The following APOBEC3D variants were observed in gnomAD, a reference collection of about 807,000 sequenced individuals.
The protein encoded by APOBEC3D is DNA dC->dU-editing enzyme APOBEC-3D.
APOBEC3D carries 37 observed loss-of-function variants against 45.6 expected under a neutral mutation model. The ratio of observed to expected loss-of-function variants is 0.81; its 90% CI spans 0.62 to 1.07. APOBEC3D has a LOEUF of 1.07. APOBEC3D is among the 50% of genes least tolerant of loss of function. The pLI is 0.00. For missense variants in APOBEC3D, 496 were observed against 495.3 expected, an observed-to-expected ratio of 1.00 and a Z score of -0.01; for synonymous variants, 175 against 180.7, an observed-to-expected ratio of 0.97 and a Z score of 0.25.
intron 5 of APOBEC3D, 122 bp downstream of exon 5, chr22:39,029,641 CTT>C (rs11440048): frequency 4.9e-3 from 4,622 of 941,798 alleles, no homozygotes; most frequent in South Asian, 9.3e-3. Flanking sequence ...ACATTTCTTT[CTT>C]TTTTTTTTTT....
At chr22:39,022,220 C>A (rs755959461) in intron 1 of APOBEC3D, among the ~76,000 whole-genome samples, 19 of 152,258 alleles carry the variant, frequency 1.2e-4, no homozygotes, top group Non-Finnish European at 1.9e-4. Context: ...GCAGAGGCTG[C>A]ACAGGGCTGG....
chr22:39,029,655 T>TTA, intron 5 of APOBEC3D, 136 bp downstream of exon 5: 1 of 1,087,670 alleles, frequency 9.2e-7, no homozygotes, highest in Non-Finnish European at 1.3e-6. Flanking sequence ...TTTTTTTTTT[T>TTA]AAGACAGAGT....
intron 1 of APOBEC3D, among the ~76,000 whole-genome samples, chr22:39,022,105 A>G (rs537943636): frequency 2.0e-5 from 3 of 152,208 alleles, no homozygotes; most frequent in Non-Finnish European, 2.9e-5. Context: ...GACCAGTAAC[A>G]TGGAATGTGA....
intron 5 of APOBEC3D, 125 bp downstream of exon 5, chr22:39,029,644 T>C: frequency 8.5e-7 from 1 of 1,173,468 alleles, no homozygotes. Flanking sequence ...TTTCTTTCTT[T>C]TTTTTTTTTT....
Position 39,024,881 on chromosome 22 carries a change from C to A in APOBEC3D, c.211-189C>A, listed in dbSNP as rs540495333. Among the ~76,000 whole-genome samples, 8 of 152,282 alleles carry A rather than the reference C, an allele frequency of 5.3e-5. No individual in the cohort carries two copies. The East Asian group carries it at 1.5e-3, about 29-fold the overall frequency. ...AGGTGCCACCTCTTAAGGCCAGTAC[C>A]ATAGCAATTAACACTGAAGGTCAGC... On this transcript the variant is annotated intron_variant, in intron 2 of 6. Transcript: ENST00000216099.
At chr22:39,030,867 G>T (rs1381510989) in intron 5 of APOBEC3D, among the ~76,000 whole-genome samples, 3 of 152,202 alleles carry the variant, frequency 2.0e-5, no homozygotes, top group Admixed American at 2.0e-4. Context: ...GAAGGAAGGG[G>T]CCAAGCGCGG....
chr22:39,025,266 A>G lies in APOBEC3D; in HGVS notation c.407A>G (p.Tyr136Cys). The G allele has an allele frequency of 6.2e-7, 1 of 1,614,028 alleles. No homozygotes were observed. The change falls in exon 3 of 7, where the codon TAC (tyrosine) becomes TGC (cysteine). Residue 136 changes from tyrosine (Y) to cysteine (C), a missense_variant. Transcript: ENST00000216099. ...VTLTISAARL[Y>C]YYRDRDWRWV... ...CTGACCATCTCTGCCGCCCGCCTCT[A>G]CTACTACCGGGATAGAGATTGGCGG...
intron 1 of APOBEC3D, among the ~76,000 whole-genome samples, 191 bp from the exon 2 acceptor site, chr22:39,022,631 C>T (rs1925231209): frequency 6.6e-6 from 1 of 152,142 alleles, no homozygotes; most frequent in African/African-American, 2.4e-5. Context: ...ATCACCCCAG[C>T]CCCCCTGCCA....
At position 39,025,194 on chromosome 22, in the gene APOBEC3D, G is replaced by C. The variant is rs1482609309; in HGVS notation, c.335G>C (p.Cys112Ser). ...GTATCATGGAACCCCTGCCTGCCCT[G>C]TGTGGTGAAGGTGACCAAATTCTTG... ...WFVSWNPCLP[C>S]VVKVTKFLAE... Residue 112 changes from cysteine (C) to serine (S), a missense_variant, in exon 3 of 7, where the codon TGT (cysteine) becomes TCT (serine). Cys to Ser is a moderately radical substitution (Grantham distance 112). Coordinates refer to ENST00000216099, the MANE Select transcript of APOBEC3D (RefSeq NM_152426.4). The C allele has an allele frequency of 6.2e-7, 1 of 1,613,278 alleles. No individual in the cohort carries two copies. Among genetic ancestry groups the C allele is most frequent in the South Asian group, 1.1e-5 (1 of 90,960 alleles).
At chr22:39,029,645 T>C (rs1926013956) in intron 5 of APOBEC3D, 126 bp downstream of exon 5, 1 of 1,224,856 alleles carries the variant, frequency 8.2e-7, no homozygotes, top group South Asian at 1.7e-5. Flanking sequence ...TTCTTTCTTT[T>C]TTTTTTTTTT....
chr22:39,031,633 C>A, intron 5 of APOBEC3D, 61 bp from the exon 6 acceptor site: 1 of 1,599,542 alleles, frequency 6.3e-7, no homozygotes, highest in South Asian at 1.1e-5. Flanking sequence ...ATCGCCCCAC[C>A]CCTACACTCC....
In APOBEC3D at chr22:39,032,278, C is replaced by G. The variant is rs765057107; in HGVS notation, c.1123C>G (p.Arg375Gly). The change falls in exon 7 of 7, where the codon CGA becomes GGA. Residue 375 changes from arginine to glycine, a missense_variant. Arg to Gly is a moderately radical substitution (Grantham distance 125). Transcript: ENST00000216099. ...TTGGAAGGGACTACAAACCAACTTTCGACTTCTGAAAAGAAGGCTACGGGA... is the reference window on the plus strand; with the variant it reads ...TTGGAAGGGACTACAAACCAACTTTGGACTTCTGAAAAGAAGGCTACGGGA... ...KPWKGLQTNF[R>G]LLKRRLREIL... is the part of the protein sequence containing the mutation. 2.5e-6 allele frequency: 4 copies of G among 1,614,184 alleles called. No individual in the cohort carries two copies. The East Asian group carries it at 6.7e-5, about 27-fold the overall frequency.
intron 4 of APOBEC3D, among the ~76,000 whole-genome samples, chr22:39,028,700 C>T (rs1332056154): frequency 6.6e-6 from 1 of 152,154 alleles, no homozygotes; most frequent in Non-Finnish European, 1.5e-5. Context: ...CTTTGGTAGG[C>T]CGAGGTGGGT....
rs887946299 is a variant in APOBEC3D, at chr22:39,022,931, A to G, written c.127A>G (p.Arg43Gly). 6.2e-7 allele frequency: 1 copy of G among 1,613,802 alleles called. No homozygotes were observed. The highest frequency in any genetic ancestry group is 8.5e-7 in the Non-Finnish European group (1 of 1,179,988). The change falls in exon 2 of 7, where the codon AGG (arginine) becomes GGG (glycine). Residue 43 changes from arginine (R) to glycine (G), a missense_variant. Physicochemically the swap from Arg to Gly is moderately radical, Grantham distance 125. Transcript: ENST00000216099. Reference protein sequence around the residue: ...TWLCYEVKIKRGRSNLLWDTG... With the variant: ...TWLCYEVKIKGGRSNLLWDTG... ...GCTGTGCTATGAAGTGAAAATAAAG[A>G]GGGGCCGCTCAAATCTCCTTTGGGA...
chr22:39,032,417 C>T lies in APOBEC3D; in HGVS notation c.*101C>T, dbSNP rs1016902518. The T allele has an allele frequency of 6.5e-7, 1 of 1,544,494 alleles. No individual in the cohort carries two copies. The highest frequency in any genetic ancestry group is 8.7e-7 in the Non-Finnish European group (1 of 1,149,520). On this transcript the variant is annotated 3_prime_UTR_variant, in exon 7 of 7. Coordinates refer to ENST00000216099, the MANE Select transcript of APOBEC3D (RefSeq NM_152426.4). The stretch of plus-strand genomic sequence containing the variant: ...ACCAGCTGTGCTTTTGCCTGGTCAT[C>T]CTGAGCCCCTCCTGGCCTCAGGGCC...
intron 4 of APOBEC3D, 117 bp downstream of exon 4, chr22:39,025,788 G>T (rs1925595709): frequency 5.1e-6 from 8 of 1,567,270 alleles, no homozygotes; most frequent in Non-Finnish European, 6.9e-6. Context: ...CTGCCCTCAT[G>T]GTTACACCCC....
At chr22:39,031,085 G>A (rs1926169790) in intron 5 of APOBEC3D, among the ~76,000 whole-genome samples, 1 of 152,222 alleles carries the variant, frequency 6.6e-6, no homozygotes, top group South Asian at 2.1e-4. Context: ...AGAATCGCTT[G>A]AACCCAAGGG....
chr22:39,028,309 C>T (rs1335754167), intron 4 of APOBEC3D, among the ~76,000 whole-genome samples: 2 of 152,248 alleles, frequency 1.3e-5, no homozygotes, highest in African/African-American at 4.8e-5. Flanking sequence ...CCTACAGCTC[C>T]CCACCGCAGG....
chr22:39,031,908 A>G lies in APOBEC3D; in HGVS notation c.977A>G (p.Asp326Gly), dbSNP rs1555899826. The stretch of plus-strand genomic sequence containing the variant: ...CGCCTCTGCTACTTCTGGGATACAG[A>G]TTACCAGGAGGGGCTCTGCAGCCTG... Reference protein sequence around the residue: ...TARLCYFWDTDYQEGLCSLSQ... With the variant: ...TARLCYFWDTGYQEGLCSLSQ... The change falls in exon 6 of 7, where the codon GAT (aspartate) becomes GGT (glycine). Residue 326 changes from aspartate to glycine, a missense_variant. Physicochemically the swap from Asp to Gly is moderately conservative, Grantham distance 94. Coordinates refer to ENST00000216099, the MANE Select transcript of APOBEC3D (RefSeq NM_152426.4). 1 of 1,613,992 alleles carries G rather than the reference A, an allele frequency of 6.2e-7. No homozygotes were observed. Among genetic ancestry groups the G allele is most frequent in the Non-Finnish European group, 8.5e-7 (1 of 1,180,038 alleles).
Sources: gnomAD v4.1 joint callset for allele counts (sites outside exome capture counted in the v4.1 genomes callset) on GRCh38, gnomAD v4.1.1 for gene constraint, MANE v1.5 for transcripts, NCBI Gene and HGNC (gene_info 2026-07-23, HGNC 2026-07-21) for gene names.